The following GPR158 variants were observed in gnomAD, a reference collection of about 807,000 sequenced individuals.
GPR158 encodes the protein metabotropic glycine receptor.
In GPR158, 30 loss-of-function variants were observed where a neutral mutation model predicts 78.2. The ratio of observed to expected loss-of-function variants is 0.38; its 90% CI spans 0.29 to 0.52. The LOEUF (loss-of-function observed/expected upper bound fraction) is 0.52, where lower values mean the gene tolerates loss of function less well. Ranked by LOEUF, GPR158 falls within the 20% of genes least tolerant of loss-of-function variation. GPR158 has a pLI of 0.83. For missense variants in GPR158, 1,463 were observed against 1,523.5 expected (o/e 0.96, Z 0.66); for synonymous variants, 581 against 591.1 (o/e 0.98, Z 0.25).
At chr10:25,294,600 A>T (rs1854485238) in intron 2 of GPR158, among the ~76,000 whole-genome samples, 1 of 149,056 alleles carries the variant, frequency 6.7e-6, no homozygotes, top group Non-Finnish European at 1.5e-5. Context: ...TACAGGTGAT[A>T]GTATGGATAG....
At chr10:25,333,770 G>A (rs967373286) in intron 2 of GPR158, among the ~76,000 whole-genome samples, 4 of 152,100 alleles carry the variant, frequency 2.6e-5, no homozygotes, top group African/African-American at 9.7e-5. Flanking sequence ...AAAGGACATA[G>A]TGGTTCTTTT....
intron 1 of GPR158, among the ~76,000 whole-genome samples, chr10:25,198,348 A>G (rs1724549062): frequency 1.3e-5 from 2 of 152,218 alleles, no homozygotes; most frequent in Admixed American, 1.3e-4. Context: ...AGTTTTGGCA[A>G]GCTTCTCTGG....
chr10:25,290,822 A>T lies in GPR158; in HGVS notation c.1008+69665A>T, dbSNP rs536909828. 6.8e-4 allele frequency among the ~76,000 whole-genome samples: 104 copies of T among 152,230 alleles called. 1 individual carries two copies. In the South Asian group the frequency reaches 0.021, roughly 31 times the overall value. ...AACTAACTGTTACATTACCTTTTCA[A>T]ATATTTAATTAAAACCTAAGCTTAA... On this transcript the variant is annotated intron_variant, in intron 2 of 10. Transcript: ENST00000376351.
chr10:25,209,162 T>A (rs1853093497), intron 1 of GPR158, among the ~76,000 whole-genome samples: 1 of 152,164 alleles, frequency 6.6e-6, no homozygotes, highest in Non-Finnish European at 1.5e-5. Context: ...CACTTCCTGT[T>A]TTCTTTAGGC....
chr10:25,427,864 A>G (rs10828802), intron 4 of GPR158, among the ~76,000 whole-genome samples: 72,402 of 151,876 alleles, frequency 0.48, 19,341 homozygotes, highest in Non-Finnish European at 0.61. Flanking sequence ...TTTCCATTTA[A>G]TATAATAACC....
chr10:25,378,386 A>G (rs1384808412), intron 2 of GPR158, among the ~76,000 whole-genome samples: 1 of 144,466 alleles, frequency 6.9e-6, no homozygotes, highest in African/African-American at 2.6e-5. Flanking sequence ...TGGAAAAACT[A>G]CATAACAATG....
chr10:25,338,994 A>T (rs1367872226), intron 2 of GPR158, among the ~76,000 whole-genome samples: 3 of 150,392 alleles, frequency 2.0e-5, no homozygotes, highest in Non-Finnish European at 4.4e-5. Flanking sequence ...TTTATTTCTA[A>T]GTTAGGTTTC....
intron 5 of GPR158, among the ~76,000 whole-genome samples, chr10:25,507,942 G>A (rs1836035030): frequency 6.6e-6 from 1 of 151,902 alleles, no homozygotes; most frequent in African/African-American, 2.4e-5. Flanking sequence ...TGATGTGCAG[G>A]TTTTTTTTAA....
At chr10:25,528,339 A>G (rs758245632) in intron 5 of GPR158, among the ~76,000 whole-genome samples, 3 of 151,994 alleles carry the variant, frequency 2.0e-5, no homozygotes, top group Non-Finnish European at 2.9e-5. Context: ...ATATATAGAT[A>G]TATAGAGAGA....
chr10:25,345,702 C>T (rs1196385145), intron 2 of GPR158, among the ~76,000 whole-genome samples: 1 of 151,906 alleles, frequency 6.6e-6, no homozygotes, highest in East Asian at 1.9e-4. Context: ...CTAATATTGA[C>T]TTTCATCGCA....
chr10:25,192,276 C>A (rs1033833370), intron 1 of GPR158, among the ~76,000 whole-genome samples: 3 of 152,096 alleles, frequency 2.0e-5, no homozygotes, highest in Admixed American at 6.6e-5. Flanking sequence ...CTTCACCTTC[C>A]GCCACGGTTT....
intron 1 of GPR158, among the ~76,000 whole-genome samples, chr10:25,186,661 A>G (rs1852691338): frequency 3.3e-5 from 5 of 152,190 alleles, no homozygotes; most frequent in Admixed American, 3.3e-4. Context: ...CACCCTCCCA[A>G]GATTAAACCA....
At chr10:25,294,821 TG>T (rs796480863) in intron 2 of GPR158, among the ~76,000 whole-genome samples, 8 of 152,282 alleles carry the variant, frequency 5.3e-5, no homozygotes, top group African/African-American at 1.9e-4. Flanking sequence ...AAGGTTAGAC[TG>T]GGGCAAGACA....
chr10:25,376,492 T>C (rs1017063333), intron 2 of GPR158, among the ~76,000 whole-genome samples: 1 of 151,680 alleles, frequency 6.6e-6, no homozygotes, highest in Admixed American at 6.6e-5. Flanking sequence ...TTTACACAAG[T>C]CTTCTCTGAG....
At chr10:25,588,389 G>C (rs1447714330) in intron 7 of GPR158, among the ~76,000 whole-genome samples, 1 of 152,172 alleles carries the variant, frequency 6.6e-6, no homozygotes, top group Non-Finnish European at 1.5e-5. Context: ...TGGCTTCAGT[G>C]ATCAAACAAG....
At chr10:25,251,673 C>T (rs1285864174) in intron 2 of GPR158, among the ~76,000 whole-genome samples, 141 of 151,216 alleles carry the variant, frequency 9.3e-4, no homozygotes, top group East Asian at 6.0e-3. Flanking sequence ...GGGTTTCTGC[C>T]GAGAGATCTG....
intron 2 of GPR158, among the ~76,000 whole-genome samples, chr10:25,295,978 T>C (rs910496997): frequency 6.6e-6 from 1 of 151,820 alleles, no homozygotes; most frequent in Admixed American, 6.6e-5. Flanking sequence ...TCCATAGGTA[T>C]TCTTGTGAAA....
chr10:25,526,433 A>G (rs1160069764), intron 5 of GPR158, among the ~76,000 whole-genome samples: 1 of 152,134 alleles, frequency 6.6e-6, no homozygotes, highest in Non-Finnish European at 1.5e-5. Flanking sequence ...TGATCCTGCT[A>G]GAGAAGCTGG....
At chr10:25,492,168 C>T (rs2130648509) in intron 5 of GPR158, among the ~76,000 whole-genome samples, 1 of 152,210 alleles carries the variant, frequency 6.6e-6, no homozygotes, top group African/African-American at 2.4e-5. Context: ...TTTTCAACAA[C>T]CAGCTCTTGG....
Sources: allele counts gnomAD v4.1 joint callset (sites outside exome capture counted in the v4.1 genomes callset), GRCh38; gene constraint gnomAD v4.1.1; transcripts MANE v1.5; gene names NCBI Gene and HGNC (gene_info 2026-07-23, HGNC 2026-07-21).